NME7: variants seen among roughly 807,000 people sequenced by gnomAD.
NME7 encodes nucleoside diphosphate kinase 7.
In NME7, 41 loss-of-function variants were observed where a neutral mutation model predicts 49.1. The observed-to-expected ratio is 0.83, with a 90% CI of 0.65 to 1.08. The LOEUF (loss-of-function observed/expected upper bound fraction) is 1.08. NME7 is among the 50% of genes least tolerant of loss of function. The probability of loss-of-function intolerance (pLI) is 0.00; values close to 1 mark genes in which losing one functional copy is unlikely to be tolerated. For synonymous variants in NME7, 139 were observed against 150.6 expected (o/e 0.92, Z 0.56); for missense variants, 423 against 463.4 (o/e 0.91, Z 0.80).
At chr1:169,339,164 A>G (rs1055275396) in intron 1 of NME7, among the ~76,000 whole-genome samples, 4 of 152,166 alleles carry the variant, frequency 2.6e-5, no homozygotes, top group African/African-American at 4.8e-5. Flanking sequence ...TCCATATTCA[A>G]AAAACTCCCC....
At position 169,162,721 on chromosome 1, in the gene NME7, C is replaced by A. The variant is rs150379239; in HGVS notation, c.1098+6726G>T. Among the ~76,000 whole-genome samples, 19 of 152,204 alleles carry A rather than the reference C, an allele frequency of 1.2e-4. No homozygotes were observed. The East Asian group carries it at 2.3e-3, about 19-fold the overall frequency. On this transcript the variant is annotated intron_variant, in intron 11 of 11. Coordinates refer to ENST00000367811, the MANE Select transcript of NME7 (RefSeq NM_013330.5). ...TGGGCATGGTCACACAGCCTATAGT[C>A]CTAGCCTCTCAGGAGGCTGAGGCAG... is the stretch of plus-strand genomic sequence containing the variant.
chr1:169,190,749 C>T (rs1231588195), intron 10 of NME7: 2 of 361,112 alleles, frequency 5.5e-6, no homozygotes. Flanking sequence ...TTGACTCATA[C>T]TAAAATAAAT....
chr1:169,339,540 A>C (rs7417281), intron 1 of NME7, among the ~76,000 whole-genome samples: 4,861 of 152,330 alleles, frequency 0.032, 217 homozygotes, highest in African/African-American at 0.11. Flanking sequence ...ATAACAATAT[A>C]AATGCTAACC....
chr1:169,138,569 AT>A (rs1379550968), intron 11 of NME7, among the ~76,000 whole-genome samples: 1 of 151,972 alleles, frequency 6.6e-6, no homozygotes, highest in East Asian at 1.9e-4. Flanking sequence ...AACAAAAAAA[AT>A]TAGCTGGGTG....
chr1:169,168,544 A>T (rs916141298), intron 11 of NME7, among the ~76,000 whole-genome samples: 1 of 152,118 alleles, frequency 6.6e-6, no homozygotes, highest in African/African-American at 2.4e-5. Flanking sequence ...CAATCCTCCC[A>T]CTTAAGCCTC....
Position 169,186,576 on chromosome 1 carries a change from T to A in NME7, c.991-17022A>T, listed in dbSNP as rs12124744. The stretch of plus-strand genomic sequence containing the variant: ...TAGAGATGTTTACAGTATTCTCTGA[T>A]GGTAGTTTGTATTTCTGTGGGATTA... On this transcript the variant is annotated intron_variant, in intron 10 of 11. Transcript: ENST00000367811. Among the ~76,000 whole-genome samples the A allele has an allele frequency of 6.5e-3, 984 of 152,100 alleles. 14 individuals carry two copies. The highest frequency in any genetic ancestry group is 0.022 in the African/African-American group (923 of 41,516).
chr1:169,300,325 T>C (rs1650889653), intron 5 of NME7, among the ~76,000 whole-genome samples: 1 of 152,140 alleles, frequency 6.6e-6, no homozygotes, highest in African/African-American at 2.4e-5. Flanking sequence ...TTAGGAATAT[T>C]TTATAACACT....
intron 5 of NME7, among the ~76,000 whole-genome samples, chr1:169,301,401 A>G (rs970453846): frequency 3.3e-5 from 5 of 152,182 alleles, no homozygotes; most frequent in Non-Finnish European, 5.9e-5. Context: ...CAGAATGGTT[A>G]TTATTAAAAA....
At chr1:169,285,244 C>T (rs147026877) in intron 7 of NME7, 52 of 152,130 alleles carry the variant, frequency 3.4e-4, no homozygotes, top group Middle Eastern at 3.4e-3. Flanking sequence ...AATGCTACAA[C>T]GACCATTTCC....
At chr1:169,143,060 T>C (rs1231099980) in intron 11 of NME7, among the ~76,000 whole-genome samples, 2 of 152,204 alleles carry the variant, frequency 1.3e-5, no homozygotes. Context: ...TGTTATACTA[T>C]TATTTAACAA....
At chr1:169,220,580 T>C (rs1422571785) in intron 10 of NME7, among the ~76,000 whole-genome samples, 1 of 152,212 alleles carries the variant, frequency 6.6e-6, no homozygotes, top group African/African-American at 2.4e-5. Flanking sequence ...TCTCCAGGAT[T>C]ATTTTGTAAT....
At chr1:169,277,391 T>C (rs1254851767) in intron 7 of NME7, among the ~76,000 whole-genome samples, 2 of 141,056 alleles carry the variant, frequency 1.4e-5, no homozygotes, top group Non-Finnish European at 3.1e-5. Context: ...TGCAATATAT[T>C]TAGGATAGTT....
At position 169,243,756 on chromosome 1, in the gene NME7, T is replaced by C. The variant is rs76551159; in HGVS notation, c.755-6069A>G. On this transcript the variant is annotated intron_variant, in intron 7 of 11. Coordinates refer to ENST00000367811, the MANE Select transcript of NME7 (RefSeq NM_013330.5). Reference sequence around the variant, plus strand: ...TCCCACTATGGAGAACTGTGGGAAATACATGTTTGTTGTTTAAGACATCCA... The same window carrying C: ...TCCCACTATGGAGAACTGTGGGAAACACATGTTTGTTGTTTAAGACATCCA... Among the ~76,000 whole-genome samples, 1,059 of 152,270 alleles carry C rather than the reference T, an allele frequency of 7.0e-3. 19 individuals carry two copies. The highest frequency in any genetic ancestry group is 0.025 in the African/African-American group (1,020 of 41,562).
intron 11 of NME7, 62 bp downstream of exon 11, chr1:169,169,385 G>C: frequency 6.9e-7 from 1 of 1,441,000 alleles, no homozygotes. Context: ...TTACACATCA[G>C]AACTCCTGAG....
At chr1:169,141,187 T>C (rs2420008) in intron 11 of NME7, among the ~76,000 whole-genome samples, 50,011 of 151,786 alleles carry the variant, frequency 0.33, 8,738 homozygotes, top group Non-Finnish European at 0.4. Context: ...TCAAAGTAGG[T>C]GCCTCCGAAA....
chr1:169,222,832 A>G (rs1308607271), intron 10 of NME7, among the ~76,000 whole-genome samples: 1 of 152,194 alleles, frequency 6.6e-6, no homozygotes, highest in Non-Finnish European at 1.5e-5. Flanking sequence ...ACTACAGATA[A>G]TTTGTTTTTG....
chr1:169,308,019 C>CAA (rs11410749), intron 4 of NME7, among the ~76,000 whole-genome samples: 4,822 of 109,972 alleles, frequency 0.044, 128 homozygotes, highest in Middle Eastern at 0.095. Context: ...GACTCCATCT[C>CAA]AAAAAAAAAA....
rs116270546 is a variant in NME7, at chr1:169,195,879, A to T, written c.991-26325T>A. Among the ~76,000 whole-genome samples the T allele has an allele frequency of 4.2e-3, 585 of 140,848 alleles. 7 individuals are homozygous for T. The highest frequency in any genetic ancestry group is 0.018 in the Middle Eastern group (5 of 272). 92.4% of individuals were successfully genotyped at this position (140,848 alleles called of 152,430 possible). ...ACAAAAAATAAGTGTGTTCAATAGT[A>T]AATGGTATAGTATGTTTAGAAGCTA... On this transcript the variant is annotated intron_variant, in intron 10 of 11. Coordinates refer to ENST00000367811, the MANE Select transcript of NME7 (RefSeq NM_013330.5).
chr1:169,295,627 C>G (rs552834587), intron 6 of NME7, among the ~76,000 whole-genome samples: 1 of 152,242 alleles, frequency 6.6e-6, no homozygotes, highest in African/African-American at 2.4e-5. Context: ...TTTCACAAAA[C>G]CACAGCCATG....
Sources: gnomAD v4.1 joint callset for allele counts (sites outside exome capture counted in the v4.1 genomes callset) on GRCh38, gnomAD v4.1.1 for gene constraint, MANE v1.5 for transcripts, NCBI Gene and HGNC (gene_info 2026-07-23, HGNC 2026-07-21) for gene names.